MYH10: variants seen among roughly 807,000 people sequenced by gnomAD.
MYH10 encodes the protein myosin heavy chain 10.
In MYH10, 55 loss-of-function variants were observed where a neutral mutation model predicts 257.8. That is an observed-to-expected ratio of 0.21 (90% CI 0.17 to 0.27). The LOEUF is 0.27. MYH10 is among the 10% of genes least tolerant of loss of function. The probability of loss-of-function intolerance (pLI) is 1.00; values close to 1 mark genes in which losing one functional copy is unlikely to be tolerated. For synonymous variants in MYH10, 854 were observed against 921.7 expected (o/e 0.93, Z 1.33); for missense variants, 1,631 against 2,500.6 (o/e 0.65, Z 7.42).
In MYH10 at chr17:8,623,293, G is replaced by T; in HGVS notation, c.-31-16C>A. The stretch of plus-strand genomic sequence containing the variant: ...GCAATTGCCTCTAAGAGAAGAGGAG[G>T]AGGGCAAAATTAGATGTTTAAGAAA... On this transcript the variant is annotated splice_polypyrimidine_tract_variant and intron_variant, in intron 1 of 42. Transcript: ENST00000360416. 6.5e-7 allele frequency: 1 copy of T among 1,536,724 alleles called. No individual in the cohort carries two copies. Among genetic ancestry groups the T allele is most frequent in the South Asian group, 1.2e-5 (1 of 80,284 alleles).
In MYH10 at chr17:8,542,122, G is replaced by A. The variant is rs1195439199; in HGVS notation, c.1590C>T (p.Asp530=). ...DFGLDLQPCI[D]LIERPANPPG... is the part of the protein sequence containing the mutation. The stretch of plus-strand genomic sequence containing the variant: ...GCACTCTTACAGGTCTCTCTATTAG[G>A]TCGATGCATGGCTGCAGATCCAGCC... Residue 530 remains aspartate (D), a synonymous_variant, in exon 14 of 43, where the codon GAC becomes GAT. Coordinates refer to ENST00000360416, the MANE Select transcript of MYH10 (RefSeq NM_001256012.3). 6.2e-7 allele frequency: 1 copy of A among 1,613,972 alleles called. No individual in the cohort carries two copies. The highest frequency in any genetic ancestry group is 2.2e-5 in the East Asian group (1 of 44,876).
At chr17:8,493,951 T>G in intron 31 of MYH10, 66 bp from the exon 32 acceptor site, 1 of 1,519,116 alleles carries the variant, frequency 6.6e-7, no homozygotes, top group Non-Finnish European at 8.9e-7. Flanking sequence ...ACACCTGTAT[T>G]AAAGAATTCA....
At position 8,614,307 on chromosome 17, in the gene MYH10, C is replaced by CTTTTTTTTTTTT. The variant is rs35801623; in HGVS notation, c.345+8583_345+8594dup. On this transcript the variant is annotated intron_variant, in intron 2 of 42. Coordinates refer to ENST00000360416, the MANE Select transcript of MYH10 (RefSeq NM_001256012.3). ...GATTTAGAAAGTAAGCAATTCACTT[C>CTTTTTTTTTTTT]TTTTTTTTTTTTTTTTTTTTTTTTT... Among the ~76,000 whole-genome samples the CTTTTTTTTTTTT allele has an allele frequency of 1.9e-4, 15 of 77,128 alleles. 2 individuals carry two copies. Among genetic ancestry groups the CTTTTTTTTTTTT allele is most frequent in the Admixed American group, 3.1e-4 (2 of 6,388 alleles). 50.6% of individuals were successfully genotyped at this position (77,128 alleles called of 152,430 possible).
intron 11 of MYH10, 33 bp downstream of exon 11, chr17:8,548,280 A>T (rs1311271520): frequency 6.5e-7 from 1 of 1,534,806 alleles, no homozygotes; most frequent in Middle Eastern, 1.7e-4. Flanking sequence ...CAAGCCATCG[A>T]AACAGAAATA....
chr17:8,509,678 G>T, intron 25 of MYH10, 134 bp downstream of exon 25: 1 of 811,312 alleles, frequency 1.2e-6, no homozygotes, highest in Non-Finnish European at 1.8e-6. Flanking sequence ...GAGACTTACA[G>T]AGAAAATTCA....
chr17:8,544,806 G>C (rs993666354), intron 13 of MYH10, among the ~76,000 whole-genome samples: 1 of 152,158 alleles, frequency 6.6e-6, no homozygotes, highest in African/African-American at 2.4e-5. Context: ...CTGCATTGAT[G>C]ATGAGTAAGT....
At chr17:8,496,834 T>C (rs1343677019) in intron 30 of MYH10, among the ~76,000 whole-genome samples, 1 of 152,188 alleles carries the variant, frequency 6.6e-6, no homozygotes, top group East Asian at 1.9e-4. Context: ...ACAATAAGGG[T>C]GGCTTTTCTC....
intron 7 of MYH10, among the ~76,000 whole-genome samples, chr17:8,564,240 T>C (rs915665944): frequency 1.3e-5 from 2 of 152,204 alleles, no homozygotes; most frequent in African/African-American, 4.8e-5. Context: ...AGGAAATTAG[T>C]CGTCTATATC....
chr17:8,497,303 C>G (rs1916782233), intron 30 of MYH10, among the ~76,000 whole-genome samples: 1 of 152,082 alleles, frequency 6.6e-6, no homozygotes, highest in Non-Finnish European at 1.5e-5. Flanking sequence ...TACATCTTTT[C>G]TTACCAATAA....
At chr17:8,499,160 G>A in intron 30 of MYH10, 110 bp downstream of exon 30, 1 of 1,011,780 alleles carries the variant, frequency 9.9e-7, no homozygotes, top group Non-Finnish European at 1.5e-6. Context: ...GCAATTTTCA[G>A]GTGTCGCACA....
At chr17:8,480,373 C>T in intron 39 of MYH10, 29 bp downstream of exon 39, 1 of 1,613,130 alleles carries the variant, frequency 6.2e-7, no homozygotes, top group Non-Finnish European at 8.5e-7. Flanking sequence ...CACAGCCCTC[C>T]CTGGGTGACG....
At chr17:8,497,392 G>T (rs1916800436) in intron 30 of MYH10, among the ~76,000 whole-genome samples, 1 of 152,186 alleles carries the variant, frequency 6.6e-6, no homozygotes, top group Non-Finnish European at 1.5e-5. Flanking sequence ...ACCACAGTCA[G>T]CCCTTCCTAT....
intron 4 of MYH10, among the ~76,000 whole-genome samples, chr17:8,581,237 T>C (rs2083693213): frequency 6.6e-6 from 1 of 152,226 alleles, no homozygotes; most frequent in Admixed American, 6.5e-5. Context: ...TTAATAGCTA[T>C]GACAGTGGTC....
At chr17:8,556,246 A>C (rs1011445923) in intron 7 of MYH10, among the ~76,000 whole-genome samples, 3 of 152,376 alleles carry the variant, frequency 2.0e-5, no homozygotes, top group Non-Finnish European at 4.4e-5. Flanking sequence ...TCTATGACCC[A>C]GCAATTCCAT....
intron 9 of MYH10, among the ~76,000 whole-genome samples, chr17:8,549,273 G>A (rs1044494755): frequency 2.6e-5 from 4 of 152,170 alleles, no homozygotes; most frequent in African/African-American, 7.2e-5. Flanking sequence ...GACCAAGCAC[G>A]TCCCGAGCCC....
At chr17:8,538,967 A>T (rs536288160) in intron 14 of MYH10, among the ~76,000 whole-genome samples, 1 of 152,192 alleles carries the variant, frequency 6.6e-6, no homozygotes, top group South Asian at 2.1e-4. Context: ...GGATTAATTC[A>T]TTCATGGATC....
intron 2 of MYH10, among the ~76,000 whole-genome samples, chr17:8,610,271 C>CAAAAAAAAAAAAAAAAAAAAAAAAAAA (rs71361810): frequency 4.3e-5 from 2 of 45,982 alleles, no homozygotes; most frequent in Non-Finnish European, 7.1e-5. Flanking sequence ...CATAGGATTG[C>CAAAAAAAAAAAAAAAAAAAAAAAAAAA]AAAAAAAAAA....
At chr17:8,573,503 A>C (rs1333323861) in intron 6 of MYH10, among the ~76,000 whole-genome samples, 1 of 152,174 alleles carries the variant, frequency 6.6e-6, no homozygotes, top group Non-Finnish European at 1.5e-5. Context: ...TGAAGGTATC[A>C]TTTGTAGGGG....
intron 14 of MYH10, 86 bp downstream of exon 14, chr17:8,542,021 C>T: frequency 7.6e-7 from 1 of 1,314,414 alleles, no homozygotes; most frequent in Non-Finnish European, 1.0e-6. Flanking sequence ...ACTGAACAGA[C>T]TGGGTAATTT....
Sources: allele counts gnomAD v4.1 joint callset (sites outside exome capture counted in the v4.1 genomes callset), GRCh38; gene constraint gnomAD v4.1.1; transcripts MANE v1.5; gene names NCBI Gene and HGNC (gene_info 2026-07-23, HGNC 2026-07-21).